GPATCH2: variants seen among roughly 807,000 people sequenced by gnomAD.
The protein encoded by GPATCH2 is G patch domain-containing protein 2.
Under a neutral mutation model 58.0 loss-of-function variants are expected in GPATCH2, and 51 were observed. The observed-to-expected ratio is 0.88, with a 90% CI of 0.70 to 1.11. The LOEUF is 1.11. Among genes scored for constraint, GPATCH2 ranks in the 50% most tolerant of loss-of-function variants. The pLI is 0.00. For synonymous variants in GPATCH2, 222 were observed against 218.5 expected (o/e 1.02, Z -0.14); for missense variants, 625 against 652.2 (o/e 0.96, Z 0.45).
intron 5 of GPATCH2, among the ~76,000 whole-genome samples, chr1:217,524,349 T>C (rs546630639): frequency 0.076 from 10,902 of 143,538 alleles, 490 homozygotes; most frequent in Non-Finnish European, 0.1. Context: ...GGATGGCGGC[T>C]GGGCAGAGAC....
At chr1:217,507,335 C>A (rs569228556) in intron 6 of GPATCH2, among the ~76,000 whole-genome samples, 48 of 152,200 alleles carry the variant, frequency 3.2e-4, no homozygotes, top group African/African-American at 1.2e-3. Flanking sequence ...TTGTATGTAA[C>A]AAAAAGTCAA....
chr1:217,454,082 G>A (rs1261842481), intron 8 of GPATCH2, among the ~76,000 whole-genome samples: 1 of 152,046 alleles, frequency 6.6e-6, no homozygotes, highest in Non-Finnish European at 1.5e-5. Context: ...TAAGGATGGG[G>A]GTTGGGAAAC....
chr1:217,552,828 G>T lies in GPATCH2; in HGVS notation c.1099-37939C>A, dbSNP rs561562272. On this transcript the variant is annotated intron_variant, in intron 5 of 9. Coordinates refer to ENST00000366935, the MANE Select transcript of GPATCH2 (RefSeq NM_018040.5). Reference sequence around the variant, plus strand: ...TGAGTCTAGTGCCTCAAGGCTTAAAGATTCATTATGAAGGAAAGACAAAAT... The same window carrying T: ...TGAGTCTAGTGCCTCAAGGCTTAAATATTCATTATGAAGGAAAGACAAAAT... 5.3e-5 allele frequency among the ~76,000 whole-genome samples: 8 copies of T among 152,246 alleles called. No individual in the cohort carries two copies. In the South Asian group the frequency reaches 1.7e-3, roughly 32 times the overall value.
chr1:217,548,344 C>G (rs565513002), intron 5 of GPATCH2, among the ~76,000 whole-genome samples: 1 of 151,910 alleles, frequency 6.6e-6, no homozygotes, highest in African/African-American at 2.4e-5. Flanking sequence ...ATAATCTATA[C>G]GACAATATTC....
chr1:217,524,694 A>T (rs1273504344), intron 5 of GPATCH2, among the ~76,000 whole-genome samples: 5 of 151,144 alleles, frequency 3.3e-5, no homozygotes, highest in African/African-American at 9.7e-5. Flanking sequence ...CCCCGTCTCC[A>T]CCCAAAAAAT....
chr1:217,544,888 A>G (rs555423651), intron 5 of GPATCH2, among the ~76,000 whole-genome samples: 1 of 152,316 alleles, frequency 6.6e-6, no homozygotes, highest in Non-Finnish European at 1.5e-5. Context: ...TCCTTCTAGT[A>G]AAATGAAAGA....
At chr1:217,510,363 C>T (rs545608781) in intron 6 of GPATCH2, among the ~76,000 whole-genome samples, 2 of 151,834 alleles carry the variant, frequency 1.3e-5, no homozygotes, top group African/African-American at 4.8e-5. Context: ...ATATCCTCCA[C>T]CATTTATTTA....
chr1:217,579,581 T>A (rs900936336), intron 5 of GPATCH2, among the ~76,000 whole-genome samples: 1 of 152,172 alleles, frequency 6.6e-6, no homozygotes, highest in Non-Finnish European at 1.5e-5. Flanking sequence ...AGTTCAAATG[T>A]TCAGACATAA....
chr1:217,449,110 A>G, intron 9 of GPATCH2, 139 bp downstream of exon 9: 1 of 634,460 alleles, frequency 1.6e-6, no homozygotes, highest in South Asian at 1.9e-5. Flanking sequence ...CTGATACCAC[A>G]TGCAAATGAT....
chr1:217,542,527 C>A (rs1289962819), intron 5 of GPATCH2, among the ~76,000 whole-genome samples: 1 of 152,156 alleles, frequency 6.6e-6, no homozygotes, highest in Non-Finnish European at 1.5e-5. Context: ...GCGCTGGGAG[C>A]CCTCCGTCTC....
intron 7 of GPATCH2, among the ~76,000 whole-genome samples, chr1:217,497,865 C>G (rs1227878675): frequency 6.6e-6 from 1 of 152,166 alleles, no homozygotes; most frequent in Non-Finnish European, 1.5e-5. Context: ...CAACTTCTCA[C>G]TGAGTCAACT....
At chr1:217,508,112 C>T (rs993540554) in intron 6 of GPATCH2, among the ~76,000 whole-genome samples, 1 of 151,974 alleles carries the variant, frequency 6.6e-6, no homozygotes. Context: ...TATATTTATT[C>T]TATAAATAAA....
intron 9 of GPATCH2, among the ~76,000 whole-genome samples, chr1:217,434,892 C>T (rs1658740046): frequency 6.6e-6 from 1 of 151,984 alleles, no homozygotes; most frequent in South Asian, 2.1e-4. Context: ...CATTTCTCTT[C>T]TTCATAAAAA....
At chr1:217,508,584 T>C (rs1662680580) in intron 6 of GPATCH2, among the ~76,000 whole-genome samples, 1 of 152,160 alleles carries the variant, frequency 6.6e-6, no homozygotes, top group South Asian at 2.1e-4. Context: ...TCTGGAACCA[T>C]GTACAGAGTA....
At chr1:217,505,730 C>A (rs898252766) in intron 6 of GPATCH2, among the ~76,000 whole-genome samples, 2 of 152,112 alleles carry the variant, frequency 1.3e-5, no homozygotes, top group African/African-American at 4.8e-5. Context: ...AATAGTGGGG[C>A]TAATATATAT....
At chr1:217,443,120 C>G (rs1001502491) in intron 9 of GPATCH2, among the ~76,000 whole-genome samples, 1 of 152,284 alleles carries the variant, frequency 6.6e-6, no homozygotes, top group Non-Finnish European at 1.5e-5. Flanking sequence ...TACTTTTATA[C>G]AGTCAATATT....
At position 217,449,361 on chromosome 1, in the gene GPATCH2, C is replaced by A. The variant is rs1659551721; in HGVS notation, c.1278-24G>T. 3 of 1,382,786 alleles carry A rather than the reference C, an allele frequency of 2.2e-6. 1 individual carries two copies. Among genetic ancestry groups the A allele is most frequent in the East Asian group, 4.6e-5 (2 of 43,768 alleles). The allele number at this position is 1,382,786 out of a possible 1,614,324, so 85.7% of individuals were successfully genotyped here. A position where few individuals can be genotyped will look rare whatever the true frequency, so the allele number is the denominator to read the frequency against. ...GCCTACGAATAATTATCAGAAAAAA[C>A]TATTAACAAAGAAGAAAAAATGACA... On this transcript the variant is annotated intron_variant, in intron 8 of 9. Transcript: ENST00000366935.
rs190307909 is a variant in GPATCH2 at position 217,508,574 on chromosome 1, T to C, written c.1166+6248A>G. Among the ~76,000 whole-genome samples the C allele has an allele frequency of 4.0e-3, 614 of 152,286 alleles. 7 individuals are homozygous for C. Among genetic ancestry groups the C allele is most frequent in the African/African-American group, 0.014 (588 of 41,568 alleles). On this transcript the variant is annotated intron_variant, in intron 6 of 9. Transcript: ENST00000366935. ...TGATTGGAAAAAGAAAGGAAAACTT[T>C]CTGGAACCATGTACAGAGTACATAA...
At chr1:217,445,424 C>T (rs12121991) in intron 9 of GPATCH2, among the ~76,000 whole-genome samples, 2,324 of 152,192 alleles carry the variant, frequency 0.015, 22 homozygotes, top group Middle Eastern at 0.054. Flanking sequence ...ACATTGCTAA[C>T]GCCTTTTTAA....
Sources: gnomAD v4.1 joint callset for allele counts (sites outside exome capture counted in the v4.1 genomes callset) on GRCh38, gnomAD v4.1.1 for gene constraint, MANE v1.5 for transcripts, NCBI Gene and HGNC (gene_info 2026-07-23, HGNC 2026-07-21) for gene names.